The following MED13L variants were observed in gnomAD, a reference collection of about 807,000 sequenced individuals.
The protein encoded by MED13L is mediator of RNA polymerase II transcription subunit 13-like.
MED13L carries 7 observed loss-of-function variants against 220.9 expected under a neutral mutation model. That is an observed-to-expected ratio of 0.03 (90% confidence interval 0.02 to 0.06). MED13L has a LOEUF of 0.06. Among genes scored for constraint, MED13L ranks in the 10% least tolerant of loss-of-function variants. MED13L has a pLI of 1.00. For missense variants in MED13L, 1,965 were observed against 2,760.5 expected (o/e 0.71, Z 6.46); for synonymous variants, 1,011 against 1,015.2 (o/e 1.00, Z 0.08).
At chr12:116,247,286 A>G (rs955007549) in intron 1 of MED13L, among the ~76,000 whole-genome samples, 12 of 152,198 alleles carry the variant, frequency 7.9e-5, no homozygotes, top group African/African-American at 2.7e-4. Flanking sequence ...GGGGTAATAG[A>G]ATGTAAAGCT....
At chr12:116,144,871 T>C (rs1877350696) in intron 2 of MED13L, among the ~76,000 whole-genome samples, 1 of 152,222 alleles carries the variant, frequency 6.6e-6, no homozygotes, top group Non-Finnish European at 1.5e-5. Flanking sequence ...TCAAAATTTA[T>C]GCTACAACAC....
In MED13L at chr12:116,265,872, C is replaced by G. The variant is rs546800247; in HGVS notation, c.72+11188G>C. On this transcript the variant is annotated intron_variant, in intron 1 of 30. Coordinates refer to ENST00000281928, the MANE Select transcript of MED13L (RefSeq NM_015335.5). ...CAAGCTTCCAAAGAATGCCCTTCCC[C>G]TTCTTCTCTAGCAAGCCACATCCAT... Among the ~76,000 whole-genome samples, 77 of 152,328 alleles carry G rather than the reference C, an allele frequency of 5.1e-4. No homozygotes were observed. The South Asian group carries it at 0.016, about 31-fold the overall frequency.
At position 115,965,950 on chromosome 12, in the gene MED13L, G is replaced by C. The variant is rs1876126023; in HGVS notation, c.6387+132C>G. 7.8e-6 allele frequency: 9 copies of C among 1,157,476 alleles called. No individual in the cohort carries two copies. The South Asian group carries it at 9.4e-5, about 12-fold the overall frequency. The allele number at this position is 1,157,476 out of a possible 1,614,324, so 71.7% of individuals were successfully genotyped here. Reference sequence around the variant, plus strand: ...CAACTGTAATTAAAATTTCCTCAGAGTATAAGTAGATACAAGAGAAAAAAG... The same window carrying C: ...CAACTGTAATTAAAATTTCCTCAGACTATAAGTAGATACAAGAGAAAAAAG... On this transcript the variant is annotated intron_variant, in intron 29 of 30. Coordinates refer to ENST00000281928, the MANE Select transcript of MED13L (RefSeq NM_015335.5).
intron 2 of MED13L, among the ~76,000 whole-genome samples, chr12:116,148,051 C>CAAAAA (rs10678970): frequency 1.8e-3 from 33 of 18,132 alleles, no homozygotes; most frequent in African/African-American, 2.8e-3. Flanking sequence ...GACCCCATCT[C>CAAAAA]AAAAAAAAAA....
At position 115,972,255 on chromosome 12, in the gene MED13L, G is replaced by C. The variant is rs1168702739; in HGVS notation, c.5732-19C>G. The C allele has an allele frequency of 6.2e-6, 10 of 1,610,760 alleles. No individual in the cohort carries two copies. The highest frequency in any genetic ancestry group is 6.8e-6 in the Non-Finnish European group (8 of 1,179,618). ...CTCCAATCTGAAATCAAATATCGCA[G>C]TCATACACAGTCTTTAGAAATTCAT... On this transcript the variant is annotated intron_variant, in intron 25 of 30. Coordinates refer to ENST00000281928, the MANE Select transcript of MED13L (RefSeq NM_015335.5).
intron 4 of MED13L, among the ~76,000 whole-genome samples, chr12:116,067,879 A>G (rs1199203812): frequency 6.6e-6 from 1 of 152,248 alleles, no homozygotes; most frequent in East Asian, 1.9e-4. Context: ...ACAAGACTCA[A>G]TAAAGGACAA....
At chr12:116,202,257 A>G (rs944036981) in intron 2 of MED13L, among the ~76,000 whole-genome samples, 3 of 152,236 alleles carry the variant, frequency 2.0e-5, no homozygotes, top group Non-Finnish European at 4.4e-5. Context: ...TGGCTCTGAA[A>G]TCCATATTCA....
At chr12:116,093,857 C>T (rs190076098) in intron 4 of MED13L, among the ~76,000 whole-genome samples, 2 of 152,182 alleles carry the variant, frequency 1.3e-5, no homozygotes, top group East Asian at 1.9e-4. Context: ...CCAAAAAAGA[C>T]ACAACTAAAC....
At position 116,262,026 on chromosome 12, in the gene MED13L, G is replaced by A. The variant is rs143882884; in HGVS notation, c.72+15034C>T. ...CATTATCCTCTTTAAAACAGTTCAGGCATTCCTCTGTGCATACAGAATTAA... is the reference window on the plus strand; with the variant it reads ...CATTATCCTCTTTAAAACAGTTCAGACATTCCTCTGTGCATACAGAATTAA... On this transcript the variant is annotated intron_variant, in intron 1 of 30. Coordinates refer to ENST00000281928, the MANE Select transcript of MED13L (RefSeq NM_015335.5). 7.3e-3 allele frequency among the ~76,000 whole-genome samples: 1,111 copies of A among 152,184 alleles called. 20 individuals carry two copies. The highest frequency in any genetic ancestry group is 0.025 in the African/African-American group (1,045 of 41,508).
At position 115,980,858 on chromosome 12, in the gene MED13L, A is replaced by G; in HGVS notation, c.5256T>C (p.Phe1752=). The part of the protein sequence containing the change: ...FYIQYLKSMA[F]SVYCQCRRPL... ...GTCGCCTGCACTGGCAGTACACTGAAAATGCCATGGACTTCAAGTATTGAA... is the reference window on the plus strand; with the variant it reads ...GTCGCCTGCACTGGCAGTACACTGAGAATGCCATGGACTTCAAGTATTGAA... Residue 1752 remains phenylalanine (F), a synonymous_variant, in exon 23 of 31, where the codon TTT becomes TTC. Coordinates refer to ENST00000281928, the MANE Select transcript of MED13L (RefSeq NM_015335.5). The G allele has an allele frequency of 6.2e-7, 1 of 1,613,940 alleles. No homozygotes were observed. The highest frequency in any genetic ancestry group is 1.3e-5 in the African/African-American group (1 of 75,046).
At chr12:115,962,592 C>A (rs905688395) in intron 30 of MED13L, 1 of 152,176 alleles carries the variant, frequency 6.6e-6, no homozygotes, top group Non-Finnish European at 1.5e-5. Flanking sequence ...AGTTTCCTAT[C>A]ATTTCCTAAC....
intron 14 of MED13L, among the ~76,000 whole-genome samples, chr12:115,998,988 C>T (rs570070478): frequency 6.6e-6 from 1 of 152,024 alleles, no homozygotes; most frequent in Middle Eastern, 3.4e-3. Context: ...AAACAAGAAA[C>T]TGGCAGAAAA....
intron 2 of MED13L, among the ~76,000 whole-genome samples, chr12:116,183,096 A>C (rs1049075938): frequency 2.6e-5 from 4 of 152,268 alleles, no homozygotes; most frequent in Non-Finnish European, 5.9e-5. Flanking sequence ...AGCTGATTTA[A>C]ATGTACCAAA....
At chr12:116,100,188 T>A (rs917090520) in intron 3 of MED13L, among the ~76,000 whole-genome samples, 1 of 152,022 alleles carries the variant, frequency 6.6e-6, no homozygotes, top group African/African-American at 2.4e-5. Flanking sequence ...AGAGAAGGTG[T>A]GCCTTTTCTA....
intron 2 of MED13L, among the ~76,000 whole-genome samples, chr12:116,197,743 C>A (rs1317965521): frequency 6.9e-6 from 1 of 145,912 alleles, no homozygotes; most frequent in East Asian, 2.0e-4. Flanking sequence ...CCAGCCTGGG[C>A]AATAAGAGTG....
intron 4 of MED13L, among the ~76,000 whole-genome samples, chr12:116,044,807 A>T (rs1045586630): frequency 8.5e-5 from 13 of 152,244 alleles, no homozygotes; most frequent in Admixed American, 6.5e-4. Flanking sequence ...AGATTAAACA[A>T]GTGAACCAAA....
intron 2 of MED13L, among the ~76,000 whole-genome samples, chr12:116,153,647 T>C (rs778717933): frequency 5.9e-5 from 9 of 152,172 alleles, no homozygotes; most frequent in African/African-American, 1.4e-4. Context: ...TCACAGGAAG[T>C]AAATGATTCC....
At chr12:115,980,503 T>C in intron 23 of MED13L, 1 of 528,140 alleles carries the variant, frequency 1.9e-6, no homozygotes, top group Non-Finnish European at 3.4e-6. Context: ...AAAAGAAAAT[T>C]TGTAGAGATG....
chr12:116,158,078 G>A (rs543910051), intron 2 of MED13L, among the ~76,000 whole-genome samples: 1 of 152,022 alleles, frequency 6.6e-6, no homozygotes, highest in African/African-American at 2.4e-5. Context: ...GAGGAGCTTA[G>A]GGATGCAAGC....
Sources: gnomAD v4.1 joint callset for allele counts (sites outside exome capture counted in the v4.1 genomes callset) on GRCh38, gnomAD v4.1.1 for gene constraint, MANE v1.5 for transcripts, NCBI Gene and HGNC (gene_info 2026-07-23, HGNC 2026-07-21) for gene names.